The following EXOC7 variants were observed in gnomAD, a reference collection of about 807,000 sequenced individuals.
EXOC7 encodes the protein exocyst complex component 7.
In EXOC7, 51 loss-of-function variants were observed where a neutral mutation model predicts 87.6. That is an observed-to-expected ratio of 0.58 (90% CI 0.46 to 0.73). The LOEUF (loss-of-function observed/expected upper bound fraction) is 0.73. Ranked by LOEUF, EXOC7 falls within the 30% of genes least tolerant of loss-of-function variation. The pLI, the probability that EXOC7 is intolerant of heterozygous loss-of-function variation, is 0.00. For missense variants in EXOC7, 744 were observed against 888.4 expected (o/e 0.84, Z 2.07); for synonymous variants, 327 against 357.1 (o/e 0.92, Z 0.95).
Position 76,085,255 on chromosome 17 carries a change from G to C in EXOC7, c.1712+59C>G. 3 of 1,364,896 alleles carry C rather than the reference G, an allele frequency of 2.2e-6. No individual in the cohort carries two copies. The South Asian group carries it at 3.7e-5, about 17-fold the overall frequency. The allele number at this position is 1,364,896 out of a possible 1,614,324, so 84.5% of individuals were successfully genotyped here. ...ACTCTGTGTCCTGAGGTGCTGAGAA[G>C]GAAGAGTGCGTGGTGGCACAGGGGC... On this transcript the variant is annotated intron_variant, in intron 15 of 18. Transcript: ENST00000589210.
intron 18 of EXOC7, 40 bp from the exon 19 acceptor site, chr17:76,083,790 C>G (rs755705154): frequency 6.3e-7 from 1 of 1,591,404 alleles, no homozygotes. Flanking sequence ...GAGGGCCGAC[C>G]CCTCCCCAGC....
chr17:76,103,162 G>A, intron 2 of EXOC7, 199 bp downstream of exon 2: 1 of 592,940 alleles, frequency 1.7e-6, no homozygotes, highest in Non-Finnish European at 3.0e-6. Context: ...GGGAAGTGCA[G>A]CCTCCTCAGT....
rs767375250 is a variant in EXOC7 at position 76,097,915 on chromosome 17, A to C, written c.521T>G (p.Ile174Ser). The C allele has an allele frequency of 6.2e-7, 1 of 1,613,822 alleles. No individual in the cohort carries two copies. Among genetic ancestry groups the C allele is most frequent in the Non-Finnish European group, 8.5e-7 (1 of 1,179,982 alleles). ...GGCCTCCAGATCATCGTCACCACTGATCAGATCCAAGATGAGCACGGGCGA... is the reference window on the plus strand; with the variant it reads ...GGCCTCCAGATCATCGTCACCACTGCTCAGATCCAAGATGAGCACGGGCGA... ...VVSPVLILDL[I>S]SGDDDLEAQE... is the part of the protein sequence containing the mutation. The change falls in exon 5 of 19, where the codon ATC (isoleucine) becomes AGC (serine). Residue 174 changes from isoleucine (I) to serine (S), a missense_variant. Around this residue, in one of 3 missense-constraint regions of EXOC7, gnomAD observed 512 missense variants for 573.0 expected, o/e 0.89. Transcript: ENST00000589210.
Position 76,081,776 on chromosome 17 carries a change from C to T in EXOC7, c.*1872G>A. 6.2e-7 allele frequency: 1 copy of T among 1,613,932 alleles called. No individual in the cohort carries two copies. The highest frequency in any genetic ancestry group is 8.5e-7 in the Non-Finnish European group (1 of 1,179,904). Reference sequence around the variant, plus strand: ...GCTCAGTAAGCCCTGCTCCCTTACCCAGTCTGCCCTGTTTCTCCCCGGTCA... The same window carrying T: ...GCTCAGTAAGCCCTGCTCCCTTACCTAGTCTGCCCTGTTTCTCCCCGGTCA... On this transcript the variant is annotated 3_prime_UTR_variant, in exon 19 of 19. Transcript: ENST00000589210.
intron 14 of EXOC7, 42 bp from the exon 15 acceptor site, chr17:76,085,451 G>T: frequency 1.3e-6 from 2 of 1,565,000 alleles, no homozygotes; most frequent in African/African-American, 1.3e-5. Flanking sequence ...GACAGGATTG[G>T]CTCCTCAGGC....
At chr17:76,102,347 G>A (rs2068103405) in intron 2 of EXOC7, among the ~76,000 whole-genome samples, 1 of 152,044 alleles carries the variant, frequency 6.6e-6, no homozygotes, top group African/African-American at 2.4e-5. Context: ...GGCTGAGGCG[G>A]GAGGTTAGCT....
intron 12 of EXOC7, 56 bp downstream of exon 12, chr17:76,087,598 T>C (rs372356813): frequency 7.3e-5 from 111 of 1,514,294 alleles, no homozygotes; most frequent in Non-Finnish European, 9.6e-5. Context: ...TCTAACCCCA[T>C]GTCTCCAGGC....
rs2066998229 is a variant in EXOC7 at position 76,081,936 on chromosome 17, T to G, written c.*1712A>C. The G allele has an allele frequency of 1.2e-6, 2 of 1,613,302 alleles. No homozygotes were observed. The highest frequency in any genetic ancestry group is 1.7e-6 in the Non-Finnish European group (2 of 1,179,878). ...CTCTTCCTCAGCACCATAGAGACTGTGCTGCTGGCTGGGCTGCTGGCCCGG... is the reference window on the plus strand; with the variant it reads ...CTCTTCCTCAGCACCATAGAGACTGGGCTGCTGGCTGGGCTGCTGGCCCGG... On this transcript the variant is annotated 3_prime_UTR_variant, in exon 19 of 19. Coordinates refer to ENST00000589210, the MANE Select transcript of EXOC7 (RefSeq NM_001013839.4).
rs1238374299 is a variant in EXOC7, at chr17:76,083,714, C to T, written c.1989G>A (p.Lys663=). The change falls in exon 19 of 19, where the codon AAG becomes AAA. Residue 663 remains lysine (K), a synonymous_variant. Transcript: ENST00000589210. ...CCTGCTCCACCCCGTACTTGATGTA[C>T]TTCTCCGGGTTCTTGGTGAAGGGCA... ...GSVPFTKNPE[K]YIKYGVEQVG... The T allele has an allele frequency of 1.2e-6, 2 of 1,613,636 alleles. No homozygotes were observed. The highest frequency in any genetic ancestry group is 1.1e-5 in the South Asian group (1 of 91,056).
At chr17:76,098,138 G>A in intron 4 of EXOC7, 120 bp from the exon 5 acceptor site, 1 of 786,208 alleles carries the variant, frequency 1.3e-6, no homozygotes, top group Non-Finnish European at 2.0e-6. Flanking sequence ...TTTCTGCCCT[G>A]ATATCTTTTT....
In EXOC7 at chr17:76,081,445, CG is replaced by C; in HGVS notation, c.*2202del. On this transcript the variant is annotated 3_prime_UTR_variant, in exon 19 of 19. Transcript: ENST00000589210. ...GAGGCCGACAGAGGGCTGCTGGAGG[CG>C]GGTGGGAGTGAGGATGCACGGCCAG... The C allele has an allele frequency of 6.2e-7, 1 of 1,612,234 alleles. No homozygotes were observed. Among genetic ancestry groups the C allele is most frequent in the Non-Finnish European group, 8.5e-7 (1 of 1,179,246 alleles).
chr17:76,083,723 G>A lies in EXOC7; in HGVS notation c.1980C>T (p.Asn660=). 1 of 1,613,496 alleles carries A rather than the reference G, an allele frequency of 6.2e-7. No individual in the cohort carries two copies. The highest frequency in any genetic ancestry group is 8.5e-7 in the Non-Finnish European group (1 of 1,180,002). The change falls in exon 19 of 19, where the codon AAC becomes AAT. Residue 660 remains asparagine, a synonymous_variant. Transcript: ENST00000589210. ...CCCCGTACTTGATGTACTTCTCCGG[G>A]TTCTTGGTGAAGGGCACGCTGCCAA... ...QKFGSVPFTK[N]PEKYIKYGVE...
chr17:76,103,033 T>G, intron 2 of EXOC7: 2 of 284,758 alleles, frequency 7.0e-6, no homozygotes, highest in Non-Finnish European at 1.4e-5. Flanking sequence ...GGGCAGAGAG[T>G]CCACTGACAA....
chr17:76,082,004 G>A lies in EXOC7; in HGVS notation c.*1644C>T. The A allele has an allele frequency of 2.5e-6, 4 of 1,611,596 alleles. No homozygotes were observed. Among genetic ancestry groups the A allele is most frequent in the Non-Finnish European group, 3.4e-6 (4 of 1,179,506 alleles). On this transcript the variant is annotated 3_prime_UTR_variant, in exon 19 of 19. Transcript: ENST00000589210. The stretch of plus-strand genomic sequence containing the variant: ...GAGCGGCCCCAGCCCAGCCCCGAGA[G>A]GGGAACAGCGAGAGCACGGCAACCC...
rs141762429 is a variant in EXOC7 at position 76,097,831 on chromosome 17, A to G, written c.605T>C (p.Ile202Thr). The change falls in exon 5 of 19, where the codon ATC (isoleucine) becomes ACC (threonine). Residue 202 changes from isoleucine (I) to threonine (T), a missense_variant. This residue lies in a region of EXOC7 where 512 missense variants were observed against 573.0 expected (regional missense o/e 0.89). Coordinates refer to ENST00000589210, the MANE Select transcript of EXOC7 (RefSeq NM_001013839.4). The part of the protein sequence containing the change: ...PESVLQDVIR[I>T]SRWLVEYGRN... ...GCCATATTCCACCAGCCAGCGGGAGATGCGAATGACATCCTGGAGCACGCT... is the reference window on the plus strand; with the variant it reads ...GCCATATTCCACCAGCCAGCGGGAGGTGCGAATGACATCCTGGAGCACGCT... The G allele has an allele frequency of 4.2e-5, 67 of 1,613,372 alleles. 1 individual carries two copies. In the African/African-American group the frequency reaches 4.3e-4, roughly 10 times the overall value.
intron 6 of EXOC7, chr17:76,094,170 T>C: frequency 2.3e-6 from 1 of 442,012 alleles, no homozygotes; most frequent in Non-Finnish European, 4.0e-6. Context: ...GCACCTGTGT[T>C]ACTCCCCTAC....
chr17:76,100,016 T>G (rs776662897), intron 4 of EXOC7, among the ~76,000 whole-genome samples: 5 of 152,046 alleles, frequency 3.3e-5, no homozygotes, highest in Non-Finnish European at 5.9e-5. Flanking sequence ...GTGGGAAGAC[T>G]GCCTGAGCCC....
chr17:76,081,415 G>A lies in EXOC7; in HGVS notation c.*2233C>T, dbSNP rs894118946. 1.9e-4 allele frequency: 300 copies of A among 1,613,934 alleles called. No individual in the cohort carries two copies. Among genetic ancestry groups the A allele is most frequent in the Non-Finnish European group, 2.4e-4 (285 of 1,179,960 alleles). Reference sequence around the variant, plus strand: ...CTTCCAGGTGACGGTGAGTCAAGTCGGGAGGAGGCCGACAGAGGGCTGCTG... The same window carrying A: ...CTTCCAGGTGACGGTGAGTCAAGTCAGGAGGAGGCCGACAGAGGGCTGCTG... On this transcript the variant is annotated 3_prime_UTR_variant, in exon 19 of 19. Transcript: ENST00000589210.
intron 12 of EXOC7, 79 bp from the exon 13 acceptor site, chr17:76,086,224 TCTGAGGGGACA>T (rs2067206350): frequency 1.5e-6 from 2 of 1,378,234 alleles, no homozygotes; most frequent in Non-Finnish European, 2.0e-6. Flanking sequence ...CATGCAGCAG[TCTGAGGGGACA>T]CTGAGACAGG....
Sources: allele counts gnomAD v4.1 joint callset (sites outside exome capture counted in the v4.1 genomes callset), GRCh38; gene constraint gnomAD v4.1.1; regional missense constraint gnomAD v4.1.1; transcripts MANE v1.5; gene names NCBI Gene and HGNC (gene_info 2026-07-23, HGNC 2026-07-21).